FBRSL1: variants seen among roughly 807,000 people sequenced by gnomAD.
FBRSL1 encodes fibrosin like 1.
A neutral mutation model predicts 89.6 loss-of-function variants in FBRSL1; 51 were observed. The observed-to-expected ratio is 0.57, with a 90% confidence interval of 0.45 to 0.72. FBRSL1 has a LOEUF of 0.72. Ranked by LOEUF, FBRSL1 falls within the 30% of genes least tolerant of loss-of-function variation. The pLI is 0.00. For missense variants in FBRSL1, 1,618 were observed against 1,451.8 expected (o/e 1.11, Z -1.86); for synonymous variants, 779 against 681.1 (o/e 1.14, Z -2.24).
At chr12:132,516,419 A>G (rs1380403290) in intron 2 of FBRSL1, among the ~76,000 whole-genome samples, 2 of 152,132 alleles carry the variant, frequency 1.3e-5, no homozygotes. Context: ...TCCTGACCTC[A>G]GGTGATCCAC....
In FBRSL1 at chr12:132,583,237, C is replaced by T; in HGVS notation, c.2468C>T (p.Ala823Val). ...KVKEERGEDEASEPPAGGLHP... is the reference protein window; with the variant it reads ...KVKEERGEDEVSEPPAGGLHP... ...AAGGAGGAGCGCGGGGAGGACGAGG[C>T]CTCCGAGCCCCCGGCGGGCGGCCTG... The change falls in exon 19 of 19, where the codon GCC (alanine) becomes GTC (valine). Residue 823 changes from alanine to valine, a missense_variant. Transcript: ENST00000680143. 3 of 1,369,400 alleles carry T rather than the reference C, an allele frequency of 2.2e-6. No individual in the cohort carries two copies. The highest frequency in any genetic ancestry group is 1.9e-6 in the Non-Finnish European group (2 of 1,060,920). The allele number at this position is 1,369,400 out of a possible 1,614,324, so 84.8% of individuals were successfully genotyped here. A position where few individuals can be genotyped will look rare whatever the true frequency, so the allele number is the denominator to read the frequency against.
At chr12:132,529,056 A>T (rs547447440) in intron 4 of FBRSL1, among the ~76,000 whole-genome samples, 1 of 152,312 alleles carries the variant, frequency 6.6e-6, no homozygotes, top group Non-Finnish European at 1.5e-5. Context: ...ATTAATGACA[A>T]CATAAAACCC....
chr12:132,544,864 GTGA>G (rs2037554004), intron 4 of FBRSL1, among the ~76,000 whole-genome samples: 1 of 152,094 alleles, frequency 6.6e-6, no homozygotes, highest in Non-Finnish European at 1.5e-5. Context: ...GAGGGTGATG[GTGA>G]TGAGGATGGT....
rs947923163 is a variant in FBRSL1 at position 132,535,262 on chromosome 12, G to A, written c.615+7274G>A. ...GTCGGCTCCAAGAAAGGTCAGCCAC[G>A]TGCTTGGGGCCAGGGGGCCATCTTT... On this transcript the variant is annotated intron_variant, in intron 4 of 18. Transcript: ENST00000680143. Among the ~76,000 whole-genome samples, 14 of 152,258 alleles carry A rather than the reference G, an allele frequency of 9.2e-5. 1 individual carries two copies. The highest frequency in any genetic ancestry group is 1.9e-4 in the East Asian group (1 of 5,204).
Position 132,528,108 on chromosome 12 carries a change from T to C in FBRSL1, c.615+120T>C, listed in dbSNP as rs575676458. ...ACCCCAGTCCCGTGCCCGCTTTCCC[T>C]CTGGAGCCCCAGACTGGTTCTGGCC... is the stretch of plus-strand genomic sequence containing the variant. On this transcript the variant is annotated intron_variant, in intron 4 of 18. Transcript: ENST00000680143. 4.6e-4 allele frequency: 407 copies of C among 881,462 alleles called. 1 individual carries two copies. Among genetic ancestry groups the C allele is most frequent in the Non-Finnish European group, 6.6e-4 (363 of 548,176 alleles). The allele number at this position is 881,462 out of a possible 1,614,324, so 54.6% of individuals were successfully genotyped here. A position where few individuals can be genotyped will look rare whatever the true frequency, so the allele number is the denominator to read the frequency against.
Position 132,574,957 on chromosome 12 carries a change from G to A in FBRSL1, c.1701+393G>A, listed in dbSNP as rs191646563. On this transcript the variant is annotated intron_variant, in intron 14 of 18. Coordinates refer to ENST00000680143, the MANE Select transcript of FBRSL1 (RefSeq NM_001367871.1). ...TCTTCAGCAGTGACCCAGGGGGACC[G>A]TGAGTGCTCACAACTGATGTGCACC... Among the ~76,000 whole-genome samples, 165 of 152,086 alleles carry A rather than the reference G, an allele frequency of 1.1e-3. 1 individual carries two copies. Among genetic ancestry groups the A allele is most frequent in the African/African-American group, 3.6e-3 (151 of 41,522 alleles).
rs191102850 is a variant in FBRSL1, at chr12:132,532,746, C to T, written c.615+4758C>T. Among the ~76,000 whole-genome samples the T allele has an allele frequency of 2.0e-5, 3 of 152,274 alleles. No homozygotes were observed. The East Asian group carries it at 5.8e-4, about 29-fold the overall frequency. On this transcript the variant is annotated intron_variant, in intron 4 of 18. Coordinates refer to ENST00000680143, the MANE Select transcript of FBRSL1 (RefSeq NM_001367871.1). The stretch of plus-strand genomic sequence containing the variant: ...GGGTGGGAGGGGGGGCCAGGCCAGC[C>T]GAAGCAGGCATAGGTTTGAACAGAG...
rs2040986379 is a variant in FBRSL1 at position 132,584,159 on chromosome 12, G to A, written c.*381G>A. 1 of 152,598 alleles carries A rather than the reference G, an allele frequency of 6.6e-6. No homozygotes were observed. The highest frequency in any genetic ancestry group is 2.4e-5 in the African/African-American group (1 of 41,586). 9.5% of individuals were successfully genotyped at this position (152,598 alleles called of 1,614,324 possible). A position where few individuals can be genotyped will look rare whatever the true frequency, so the allele number is the denominator to read the frequency against. On this transcript the variant is annotated 3_prime_UTR_variant, in exon 19 of 19. Transcript: ENST00000680143. ...TCAGATCCTTCTCCAGATCCCCAGG[G>A]TTTCTTTGTCTTATTTATGGAGAAA...
intron 6 of FBRSL1, among the ~76,000 whole-genome samples, chr12:132,568,073 C>G (rs959813495): frequency 6.7e-6 from 1 of 148,274 alleles, no homozygotes; most frequent in Non-Finnish European, 1.5e-5. Context: ...GCCTTCGTAA[C>G]CTGTGGCTGT....
rs1317034650 is a variant in FBRSL1 at position 132,541,859 on chromosome 12, G to A, written c.616-6144G>A. Among the ~76,000 whole-genome samples, 4 of 152,234 alleles carry A rather than the reference G, an allele frequency of 2.6e-5. No individual in the cohort carries two copies. The East Asian group carries it at 7.7e-4, about 29-fold the overall frequency. On this transcript the variant is annotated intron_variant, in intron 4 of 18. Coordinates refer to ENST00000680143, the MANE Select transcript of FBRSL1 (RefSeq NM_001367871.1). ...CACAGGGCAGGGCACGGGGCCCACA[G>A]CCACTCATGCTTCTGCCCCATCCCT... is the stretch of plus-strand genomic sequence containing the variant.
chr12:132,522,420 C>A (rs1259963031), intron 2 of FBRSL1, among the ~76,000 whole-genome samples: 1 of 152,154 alleles, frequency 6.6e-6, no homozygotes, highest in Non-Finnish European at 1.5e-5. Flanking sequence ...CCTGGAGCCA[C>A]CATGTTCCTA....
At chr12:132,496,151 G>A (rs1397283832) in intron 1 of FBRSL1, among the ~76,000 whole-genome samples, 1 of 152,248 alleles carries the variant, frequency 6.6e-6, no homozygotes, top group African/African-American at 2.4e-5. Flanking sequence ...CCTTTGCCTG[G>A]AGGGGTCTCC....
At chr12:132,506,396 T>A (rs1296004338) in intron 1 of FBRSL1, among the ~76,000 whole-genome samples, 3 of 152,194 alleles carry the variant, frequency 2.0e-5, no homozygotes, top group Non-Finnish European at 4.4e-5. Context: ...GGAGCGGGCC[T>A]GGGGGAGCGT....
intron 5 of FBRSL1, among the ~76,000 whole-genome samples, chr12:132,555,995 G>T (rs986864332): frequency 2.0e-5 from 3 of 152,280 alleles, no homozygotes; most frequent in African/African-American, 7.2e-5. Flanking sequence ...TCTTCCCCCA[G>T]CCCCTGGGGT....
intron 5 of FBRSL1, among the ~76,000 whole-genome samples, chr12:132,548,430 C>T (rs2037875295): frequency 6.6e-6 from 1 of 152,186 alleles, no homozygotes; most frequent in Non-Finnish European, 1.5e-5. Flanking sequence ...AGCCCAGCCC[C>T]CACCCTAAAC....
In FBRSL1 at chr12:132,581,436, C is replaced by G. The variant is rs2040739177; in HGVS notation, c.1835-3C>G. 2 of 1,550,964 alleles carry G rather than the reference C, an allele frequency of 1.3e-6. No individual in the cohort carries two copies. Among genetic ancestry groups the G allele is most frequent in the Non-Finnish European group, 1.7e-6 (2 of 1,146,932 alleles). On this transcript the variant is annotated splice_polypyrimidine_tract_variant and splice_region_variant and intron_variant, in intron 15 of 18. Transcript: ENST00000680143. ...TTCTGTCAAACCTGGCTGCCCCCCC[C>G]AGGTGCCGCCCATCCTGCCTCCAAC...
intron 4 of FBRSL1, among the ~76,000 whole-genome samples, chr12:132,540,478 T>C (rs982617386): frequency 6.6e-6 from 1 of 150,664 alleles, no homozygotes; most frequent in African/African-American, 2.4e-5. Context: ...ACCTACCCAC[T>C]CTGGTCCCTG....
intron 1 of FBRSL1, among the ~76,000 whole-genome samples, chr12:132,502,574 C>A (rs1412463042): frequency 6.6e-6 from 1 of 152,104 alleles, no homozygotes; most frequent in Non-Finnish European, 1.5e-5. Flanking sequence ...GCCTCTTTCA[C>A]CCTCCAGGCT....
Position 132,490,668 on chromosome 12 carries a change from C to A in FBRSL1, c.98C>A (p.Ser33Ter), listed in dbSNP as rs1323093276. 2 of 998,188 alleles carry A rather than the reference C, an allele frequency of 2.0e-6. No individual in the cohort carries two copies. Among genetic ancestry groups the A allele is most frequent in the South Asian group, 3.9e-5 (1 of 25,508 alleles). The allele number at this position is 998,188 out of a possible 1,614,324, so 61.8% of individuals were successfully genotyped here. A position where few individuals can be genotyped will look rare whatever the true frequency, so the allele number is the denominator to read the frequency against. Reference sequence around the variant, plus strand: ...CGCGACGCCCGCGCCCAGAGTCCGTCGTCGGGCGACGAGCCCGAGCCCAGC... The same window carrying A: ...CGCGACGCCCGCGCCCAGAGTCCGTAGTCGGGCGACGAGCCCGAGCCCAGC... ...AARDARAQSP[S>*]SGDEPEPSPG... Residue 33 changes from serine to a stop codon, truncating the protein, a stop_gained, in exon 1 of 19, where the codon TCG (serine) becomes TAG (stop). Coordinates refer to ENST00000680143, the MANE Select transcript of FBRSL1 (RefSeq NM_001367871.1). LOFTEE classifies it high-confidence loss of function.
Sources: gnomAD v4.1 joint callset for allele counts (sites outside exome capture counted in the v4.1 genomes callset) on GRCh38, gnomAD v4.1.1 for gene constraint, MANE v1.5 for transcripts, NCBI Gene and HGNC (gene_info 2026-07-23, HGNC 2026-07-21) for gene names.